Variants in CEP128 observed in about 807,000 individuals in gnomAD.
The protein encoded by CEP128 is centrosomal protein 128kDa.
Under a neutral mutation model 156.7 loss-of-function variants are expected in CEP128, and 132 were observed. That is an observed-to-expected ratio of 0.84 (90% CI 0.73 to 0.97). CEP128 has a LOEUF of 0.97. Ranked by LOEUF, CEP128 falls within the 50% of genes least tolerant of loss-of-function variation. The pLI is 0.00. For synonymous variants in CEP128, 469 were observed against 448.9 expected, an observed-to-expected ratio of 1.04 and a Z score of -0.57; for missense variants, 1,252 against 1,281.9, an observed-to-expected ratio of 0.98 and a Z score of 0.36.
chr14:80,593,107 T>C (rs181183430), intron 19 of CEP128, among the ~76,000 whole-genome samples: 110 of 152,262 alleles, frequency 7.2e-4, no homozygotes, highest in Admixed American at 7.2e-3. Context: ...GGATGCCCTC[T>C]CTCACCACTC....
At chr14:80,657,657 A>G (rs866389431) in intron 19 of CEP128, among the ~76,000 whole-genome samples, 33 of 152,284 alleles carry the variant, frequency 2.2e-4, no homozygotes, top group Admixed American at 6.5e-4. Flanking sequence ...TCTCAAAAAC[A>G]AAAACAGAAA....
At chr14:80,904,762 A>G in intron 6 of CEP128, 51 bp downstream of exon 6, 1 of 997,012 alleles carries the variant, frequency 1.0e-6, no homozygotes, top group Non-Finnish European at 1.6e-6. Flanking sequence ...TTTATATACA[A>G]TAGAAGCATA....
intron 13 of CEP128, among the ~76,000 whole-genome samples, chr14:80,826,326 T>G (rs1312303552): frequency 6.6e-6 from 1 of 152,152 alleles, no homozygotes; most frequent in African/African-American, 2.4e-5. Flanking sequence ...GTATTAAAAA[T>G]TACTTGCTAT....
chr14:80,600,475 A>C (rs1233763708), intron 19 of CEP128, among the ~76,000 whole-genome samples: 1 of 152,172 alleles, frequency 6.6e-6, no homozygotes, highest in East Asian at 1.9e-4. Context: ...GGATAAACAG[A>C]AAAAAGAGAG....
chr14:80,853,562 C>T (rs981905654), intron 9 of CEP128, among the ~76,000 whole-genome samples: 7 of 151,314 alleles, frequency 4.6e-5, no homozygotes, highest in East Asian at 1.9e-4. Flanking sequence ...CCATAAGGTA[C>T]CTAAAAATAA....
At chr14:80,592,301 T>C (rs563787366) in intron 19 of CEP128, among the ~76,000 whole-genome samples, 1 of 151,972 alleles carries the variant, frequency 6.6e-6, no homozygotes, top group South Asian at 2.1e-4. Context: ...ATAGACACAA[T>C]AAAAAATGGT....
intron 9 of CEP128, among the ~76,000 whole-genome samples, chr14:80,855,282 A>G (rs72693016): frequency 6.6e-6 from 1 of 152,056 alleles, no homozygotes; most frequent in Non-Finnish European, 1.5e-5. Context: ...CTGTCCAAGG[A>G]CTCAATTCTA....
intron 19 of CEP128, among the ~76,000 whole-genome samples, chr14:80,721,475 A>G (rs1406588738): frequency 2.0e-5 from 3 of 152,226 alleles, no homozygotes; most frequent in Non-Finnish European, 4.4e-5. Context: ...TCTCAGTTGA[A>G]AAACAAAATG....
chr14:80,731,618 A>G (rs1474666544), intron 19 of CEP128, among the ~76,000 whole-genome samples: 2 of 152,148 alleles, frequency 1.3e-5, no homozygotes, highest in Admixed American at 6.6e-5. Context: ...TCAATAGGGG[A>G]AAAAAAGCAA....
At chr14:80,872,502 G>A (rs138092411) in intron 8 of CEP128, among the ~76,000 whole-genome samples, 1,539 of 152,240 alleles carry the variant, frequency 0.01, 10 homozygotes, top group Middle Eastern at 0.014. Context: ...GAAAATGCAT[G>A]ATAAACAACT....
At chr14:80,594,786 C>G (rs1251348515) in intron 19 of CEP128, among the ~76,000 whole-genome samples, 1 of 152,176 alleles carries the variant, frequency 6.6e-6, no homozygotes, top group Non-Finnish European at 1.5e-5. Flanking sequence ...CCATCTCACA[C>G]CAGTTAGAAT....
chr14:80,534,093 A>C (rs1354998139), intron 21 of CEP128, among the ~76,000 whole-genome samples: 2 of 152,184 alleles, frequency 1.3e-5, no homozygotes, highest in Admixed American at 1.3e-4. Flanking sequence ...AGGTCTCATA[A>C]TTTCATGATT....
At chr14:80,774,505 C>T (rs1469766096) in intron 16 of CEP128, among the ~76,000 whole-genome samples, 2 of 152,114 alleles carry the variant, frequency 1.3e-5, no homozygotes, top group South Asian at 2.1e-4. Flanking sequence ...GGTTTTCCTT[C>T]ATTGAAAACA....
intron 19 of CEP128, among the ~76,000 whole-genome samples, chr14:80,635,916 G>C (rs1432803685): frequency 6.6e-6 from 1 of 152,154 alleles, no homozygotes; most frequent in African/African-American, 2.4e-5. Flanking sequence ...GCTATCTTCA[G>C]GCTATGTGTA....
chr14:80,821,616 C>T (rs5029167), intron 13 of CEP128, among the ~76,000 whole-genome samples: 37 of 66,350 alleles, frequency 5.6e-4, no homozygotes, highest in East Asian at 2.0e-3. Context: ...CACACACACA[C>T]ACACACACAC....
At chr14:80,629,403 G>T (rs926841594) in intron 19 of CEP128, among the ~76,000 whole-genome samples, 1 of 151,958 alleles carries the variant, frequency 6.6e-6, no homozygotes, top group Admixed American at 6.6e-5. Flanking sequence ...AGAAATAGAG[G>T]GCTTTTATGT....
intron 19 of CEP128, among the ~76,000 whole-genome samples, chr14:80,702,640 C>T (rs1470599436): frequency 6.6e-6 from 1 of 152,136 alleles, no homozygotes; most frequent in African/African-American, 2.4e-5. Flanking sequence ...ATAAATGAGG[C>T]AACTAAGGCA....
At chr14:80,854,354 C>CA (rs976175331) in intron 9 of CEP128, among the ~76,000 whole-genome samples, 53 of 150,538 alleles carry the variant, frequency 3.5e-4, no homozygotes, top group East Asian at 3.9e-4. Flanking sequence ...AAAACATTGG[C>CA]AAAAAAAAGG....
intron 21 of CEP128, among the ~76,000 whole-genome samples, chr14:80,532,686 C>CAGGG (rs1889284048): frequency 6.6e-6 from 1 of 152,268 alleles, no homozygotes; most frequent in Non-Finnish European, 1.5e-5. Flanking sequence ...TATTTGATTG[C>CAGGG]TTTCCATTGC....
Sources: gnomAD v4.1 joint callset for allele counts (sites outside exome capture counted in the v4.1 genomes callset) on GRCh38, gnomAD v4.1.1 for gene constraint, MANE v1.5 for transcripts, NCBI Gene and HGNC (gene_info 2026-07-23, HGNC 2026-07-21) for gene names.